STARD13: variants seen among roughly 807,000 people sequenced by gnomAD.
STARD13 encodes StAR related lipid transfer domain containing 13.
In STARD13, 62 loss-of-function variants were observed where a neutral mutation model predicts 106.4. The observed-to-expected ratio is 0.58, with a 90% CI of 0.48 to 0.72. The LOEUF (loss-of-function observed/expected upper bound fraction) is 0.72, where lower values mean the gene tolerates loss of function less well. Ranked by LOEUF, STARD13 falls within the 30% of genes least tolerant of loss-of-function variation. The probability of loss-of-function intolerance (pLI) is 0.00; values close to 1 mark genes in which losing one functional copy is unlikely to be tolerated. For missense variants in STARD13, 1,387 were observed against 1,424.0 expected (o/e 0.97, Z 0.42); for synonymous variants, 565 against 553.0 (o/e 1.02, Z -0.31).
chr13:33,452,869 T>G, the STARD13 span, among the ~76,000 whole-genome samples: 1 of 152,240 alleles, frequency 6.6e-6, no homozygotes, highest in African/African-American at 2.4e-5. Flanking sequence ...TTTCTTCAAC[T>G]ATTATATTCA....
the STARD13 span, among the ~76,000 whole-genome samples, chr13:33,553,760 A>G: frequency 1.3e-5 from 2 of 151,544 alleles, no homozygotes; most frequent in African/African-American, 4.9e-5. Context: ...TTGTATTTTT[A>G]GTAGAGACGG....
intron 7 of STARD13, among the ~76,000 whole-genome samples, chr13:33,119,477 C>A (rs1306736050): frequency 1.3e-5 from 2 of 152,168 alleles, no homozygotes; most frequent in Non-Finnish European, 2.9e-5. Flanking sequence ...GGCCGGCCTC[C>A]ACCCAAGTTC....
chr13:33,455,681 C>T, the STARD13 span, among the ~76,000 whole-genome samples: 12 of 152,026 alleles, frequency 7.9e-5, no homozygotes, highest in Admixed American at 1.3e-4. Context: ...CGCCTGTAAT[C>T]CCAGTACTGT....
chr13:33,174,461 G>A (rs1884306710), intron 1 of STARD13, among the ~76,000 whole-genome samples: 1 of 152,068 alleles, frequency 6.6e-6, no homozygotes, highest in African/African-American at 2.4e-5. Flanking sequence ...GTGAACAGAT[G>A]TGACCTGTGC....
chr13:33,313,422 C>T (rs1198108653), intron 1 of STARD13, among the ~76,000 whole-genome samples: 6 of 152,324 alleles, frequency 3.9e-5, no homozygotes, highest in Non-Finnish European at 8.8e-5. Context: ...TCTTTCTCTT[C>T]CAACTTGCTA....
chr13:33,417,926 G>A, the STARD13 span, among the ~76,000 whole-genome samples: 7 of 152,106 alleles, frequency 4.6e-5, no homozygotes, highest in East Asian at 1.9e-4. Context: ...ATTGTAAACC[G>A]TATCTCAATA....
the STARD13 span, among the ~76,000 whole-genome samples, chr13:33,663,743 T>G: frequency 6.6e-6 from 1 of 152,178 alleles, no homozygotes; most frequent in Non-Finnish European, 1.5e-5. Context: ...AGTGGTCAAG[T>G]GGACAGCAGA....
At chr13:33,140,261 TGCAGTGCA>T (rs1440363852) in intron 4 of STARD13, among the ~76,000 whole-genome samples, 1 of 152,234 alleles carries the variant, frequency 6.6e-6, no homozygotes, top group East Asian at 1.9e-4. Flanking sequence ...TCTTTTGTGA[TGCAGTGCA>T]GCTAATGGTC....
the STARD13 span, among the ~76,000 whole-genome samples, chr13:33,663,737 GT>G: frequency 1.3e-5 from 2 of 152,198 alleles, no homozygotes; most frequent in East Asian, 3.8e-4. Flanking sequence ...ACACTGAGTG[GT>G]CAAGTGGACA....
the STARD13 span, among the ~76,000 whole-genome samples, chr13:33,475,039 G>T: frequency 3.4e-3 from 523 of 152,228 alleles, 10 homozygotes; most frequent in Admixed American, 0.028. Flanking sequence ...AAAGGGATAC[G>T]TGCTTATAGG....
chr13:33,442,637 GT>G, the STARD13 span, among the ~76,000 whole-genome samples: 1 of 152,178 alleles, frequency 6.6e-6, no homozygotes, highest in Non-Finnish European at 1.5e-5. Flanking sequence ...ACAAAAGTTA[GT>G]GTTTTGAAAA....
the STARD13 span, among the ~76,000 whole-genome samples, chr13:33,476,022 T>C: frequency 6.6e-6 from 1 of 152,138 alleles, no homozygotes; most frequent in South Asian, 2.1e-4. Context: ...ATGGTGTTTT[T>C]TCTAAGGTAA....
At chr13:33,608,659 A>G in the STARD13 span, among the ~76,000 whole-genome samples, 1 of 152,238 alleles carries the variant, frequency 6.6e-6, no homozygotes, top group Non-Finnish European at 1.5e-5. Context: ...CATTACATAC[A>G]TGAAAAAGTT....
intron 4 of STARD13, among the ~76,000 whole-genome samples, chr13:33,137,900 C>T (rs182787114): frequency 3.9e-5 from 4 of 103,754 alleles, no homozygotes; most frequent in East Asian, 3.0e-4. Flanking sequence ...GTGGGAGATG[C>T]GGGGGTGTGC....
intron 1 of STARD13, among the ~76,000 whole-genome samples, chr13:33,244,315 G>A (rs1889715708): frequency 6.6e-6 from 1 of 151,888 alleles, no homozygotes; most frequent in Admixed American, 6.6e-5. Context: ...TCACATTACT[G>A]GGAAATAGTA....
At chr13:33,358,108 G>A in the STARD13 span, among the ~76,000 whole-genome samples, 2 of 152,252 alleles carry the variant, frequency 1.3e-5, no homozygotes, top group African/African-American at 4.8e-5. Flanking sequence ...CGGGCAATGA[G>A]GGACTTAGCA....
chr13:33,539,078 T>C, the STARD13 span, among the ~76,000 whole-genome samples: 3 of 152,182 alleles, frequency 2.0e-5, no homozygotes, highest in Admixed American at 2.0e-4. Context: ...CTTGCATTTA[T>C]TAATACTAGA....
chr13:33,631,261 C>T, the STARD13 span, among the ~76,000 whole-genome samples: 2 of 152,204 alleles, frequency 1.3e-5, no homozygotes, highest in Non-Finnish European at 1.5e-5. Context: ...TGTTACCCTC[C>T]TTCCTTCTGA....
chr13:33,656,424 G>A, the STARD13 span, among the ~76,000 whole-genome samples: 1 of 152,186 alleles, frequency 6.6e-6, no homozygotes, highest in Admixed American at 6.5e-5. Flanking sequence ...CTGTTTCACA[G>A]ATTTTTTTGT....
Sources: gnomAD v4.1 joint callset for allele counts (sites outside exome capture counted in the v4.1 genomes callset) on GRCh38, gnomAD v4.1.1 for gene constraint, MANE v1.5 for transcripts, NCBI Gene and HGNC (gene_info 2026-07-23, HGNC 2026-07-21) for gene names.